The following CDH13 variants were observed in gnomAD, a reference collection of about 807,000 sequenced individuals.
CDH13 encodes the protein cadherin-13.
In CDH13, 24 loss-of-function variants were observed where a neutral mutation model predicts 63.8. The observed-to-expected ratio is 0.38, with a 90% CI of 0.27 to 0.53. The LOEUF is 0.53. Among genes scored for constraint, CDH13 ranks in the 20% least tolerant of loss-of-function variants. The pLI, the probability that CDH13 is intolerant of heterozygous loss-of-function variation, is 0.85. For missense variants in CDH13, 1,049 were observed against 903.1 expected (o/e 1.16, Z -2.07); for synonymous variants, 503 against 355.3 (o/e 1.42, Z -4.67).
At chr16:83,607,700 G>C (rs528148036) in intron 8 of CDH13, among the ~76,000 whole-genome samples, 1 of 152,120 alleles carries the variant, frequency 6.6e-6, no homozygotes, top group Non-Finnish European at 1.5e-5. Context: ...GGTTGGAAAC[G>C]CTAGTTTTTC....
chr16:83,254,979 CTTTCTTTCTTTCTTTCTT>C (rs1567542287), intron 5 of CDH13, among the ~76,000 whole-genome samples: 1 of 42,958 alleles, frequency 2.3e-5, no homozygotes, highest in African/African-American at 1.0e-4. Context: ...TTCTTTCTTT[CTTTCTTTCTTTCTTTCTT>C]TCTTTCTTTC....
At chr16:83,776,996 A>G (rs1915161843) in intron 11 of CDH13, among the ~76,000 whole-genome samples, 2 of 152,074 alleles carry the variant, frequency 1.3e-5, no homozygotes, top group African/African-American at 2.4e-5. Flanking sequence ...CGTTAGCACA[A>G]TCAAGACTGA....
intron 7 of CDH13, among the ~76,000 whole-genome samples, chr16:83,501,946 C>G (rs766407897): frequency 7.2e-5 from 11 of 152,328 alleles, no homozygotes; most frequent in Non-Finnish European, 1.3e-4. Flanking sequence ...TGGCTCAGAG[C>G]TTGGGCTTAG....
At chr16:83,309,780 G>T (rs2089960657) in intron 5 of CDH13, among the ~76,000 whole-genome samples, 1 of 152,248 alleles carries the variant, frequency 6.6e-6, no homozygotes, top group Non-Finnish European at 1.5e-5. Context: ...TGGAAAAGAG[G>T]ACTTTTCGCT....
In CDH13 at chr16:83,502,119, A is replaced by G. The variant is rs78831782; in HGVS notation, c.960+15464A>G. ...CAGAATAATGGCTCCTCCCCTTCAA[A>G]GAAGTCCTCATCCTAATTCCCAGAA... On this transcript the variant is annotated intron_variant, in intron 7 of 13. Transcript: ENST00000567109. 9.1e-3 allele frequency among the ~76,000 whole-genome samples: 1,381 copies of G among 152,322 alleles called. 16 individuals carry two copies. Among genetic ancestry groups the G allele is most frequent in the South Asian group, 0.048 (230 of 4,822 alleles).
intron 8 of CDH13, among the ~76,000 whole-genome samples, chr16:83,602,847 T>C (rs982553262): frequency 1.3e-5 from 2 of 152,236 alleles, no homozygotes; most frequent in African/African-American, 4.8e-5. Flanking sequence ...AAAATAACTT[T>C]TAATGCCCAA....
At chr16:83,673,968 C>T (rs896339373) in intron 9 of CDH13, among the ~76,000 whole-genome samples, 1 of 152,172 alleles carries the variant, frequency 6.6e-6, no homozygotes, top group African/African-American at 2.4e-5. Context: ...GATGCAGACT[C>T]TCCCTCACCC....
chr16:83,537,232 C>A (rs561767617), intron 7 of CDH13, among the ~76,000 whole-genome samples: 1 of 152,180 alleles, frequency 6.6e-6, no homozygotes, highest in Non-Finnish European at 1.5e-5. Flanking sequence ...ATTTGTTGAG[C>A]AAGTAGATAA....
intron 7 of CDH13, among the ~76,000 whole-genome samples, chr16:83,582,705 C>G (rs4360919): frequency 1.6e-3 from 246 of 152,080 alleles, no homozygotes; most frequent in African/African-American, 5.7e-3. Context: ...AGCATAAGAC[C>G]GTGTGCTGAC....
chr16:83,480,321 A>G (rs527442862), intron 6 of CDH13, among the ~76,000 whole-genome samples: 18 of 152,310 alleles, frequency 1.2e-4, no homozygotes, highest in Middle Eastern at 3.4e-3. Context: ...GTCTCAAACA[A>G]CAACAATAAA....
chr16:82,832,487 C>A (rs972068649), intron 1 of CDH13, among the ~76,000 whole-genome samples: 1 of 151,748 alleles, frequency 6.6e-6, no homozygotes, highest in African/African-American at 2.4e-5. Context: ...GCTCTACCAA[C>A]ATGGTTGTAA....
intron 1 of CDH13, among the ~76,000 whole-genome samples, chr16:82,712,865 G>A (rs60244936): frequency 3.6e-4 from 55 of 152,002 alleles, no homozygotes; most frequent in East Asian, 1.2e-3. Flanking sequence ...TTAACTCTCC[G>A]CTCTCTGGGG....
At chr16:83,349,456 T>A (rs966979000) in intron 6 of CDH13, among the ~76,000 whole-genome samples, 36 of 152,140 alleles carry the variant, frequency 2.4e-4, no homozygotes, top group Admixed American at 2.1e-3. Context: ...GAATGGCATG[T>A]CAGGCTCCCA....
chr16:82,912,883 C>T (rs912348681), intron 2 of CDH13, among the ~76,000 whole-genome samples: 10 of 150,836 alleles, frequency 6.6e-5, no homozygotes, highest in African/African-American at 2.4e-4. Flanking sequence ...GCGGAGCTTG[C>T]AGTGAGCCGA....
At chr16:82,960,558 A>G (rs1369569151) in intron 2 of CDH13, among the ~76,000 whole-genome samples, 1 of 152,216 alleles carries the variant, frequency 6.6e-6, no homozygotes, top group Non-Finnish European at 1.5e-5. Context: ...GTCACAGGCA[A>G]AAGCTATCCA....
intron 6 of CDH13, chr16:83,382,930 G>C (rs1306634709): frequency 6.6e-6 from 1 of 152,244 alleles, no homozygotes; most frequent in Admixed American, 6.5e-5. Flanking sequence ...AGACACCAGA[G>C]ATGATGCCAG....
At chr16:83,570,747 TA>T (rs1383790780) in intron 7 of CDH13, among the ~76,000 whole-genome samples, 3 of 144,374 alleles carry the variant, frequency 2.1e-5, no homozygotes, top group Admixed American at 7.0e-5. Flanking sequence ...ATATATTTTA[TA>T]AAAATTATAT....
chr16:82,939,411 AG>A (rs1413321835), intron 2 of CDH13, among the ~76,000 whole-genome samples: 3 of 147,982 alleles, frequency 2.0e-5, no homozygotes, highest in African/African-American at 7.4e-5. Flanking sequence ...TGACAGAGTA[AG>A]ACCTTAGCTC....
chr16:83,092,499 A>G (rs1382226424), intron 3 of CDH13, among the ~76,000 whole-genome samples: 2 of 152,228 alleles, frequency 1.3e-5, no homozygotes, highest in African/African-American at 4.8e-5. Context: ...TGTCAGCCCT[A>G]GTTCCTTTTG....
Sources: gnomAD v4.1 joint callset for allele counts (sites outside exome capture counted in the v4.1 genomes callset) on GRCh38, gnomAD v4.1.1 for gene constraint, MANE v1.5 for transcripts, NCBI Gene and HGNC (gene_info 2026-07-23, HGNC 2026-07-21) for gene names.